The following NRXN1 variants were observed in gnomAD, a reference collection of about 807,000 sequenced individuals.
NRXN1 encodes neurexin 1, also known as neurexin-1.
Under a neutral mutation model 150.9 loss-of-function variants are expected in NRXN1, and 39 were observed. That is an observed-to-expected ratio of 0.26 (90% CI 0.20 to 0.34). The LOEUF is 0.34. Ranked by LOEUF, NRXN1 falls within the 10% of genes least tolerant of loss-of-function variation. The pLI is 1.00. For missense variants in NRXN1, 1,815 were observed against 1,949.9 expected (o/e 0.93, Z 1.30); for synonymous variants, 924 against 757.0 (o/e 1.22, Z -3.62).
chr2:50,660,569 C>T (rs974828923), intron 5 of NRXN1, among the ~76,000 whole-genome samples: 2 of 152,018 alleles, frequency 1.3e-5, no homozygotes, highest in Non-Finnish European at 2.9e-5. Flanking sequence ...AACATCAAAA[C>T]TCATCTAATG....
intron 2 of NRXN1, among the ~76,000 whole-genome samples, chr2:51,027,301 G>C (rs1006562057): frequency 1.3e-5 from 2 of 152,206 alleles, no homozygotes; most frequent in African/African-American, 4.8e-5. Context: ...TGGATATGGG[G>C]GCTGCCAATC....
intron 17 of NRXN1, among the ~76,000 whole-genome samples, chr2:50,447,766 T>C (rs2086582919): frequency 1.1e-5 from 1 of 92,894 alleles, no homozygotes; most frequent in African/African-American, 4.2e-5. Flanking sequence ...TATATATATA[T>C]ATATATATAT....
intron 5 of NRXN1, among the ~76,000 whole-genome samples, chr2:50,629,957 C>T (rs1393377187): frequency 6.6e-6 from 1 of 151,440 alleles, no homozygotes; most frequent in African/African-American, 2.4e-5. Flanking sequence ...GCCTCTATTT[C>T]TAGCCACAGC....
chr2:50,915,127 G>A (rs1685037323), intron 5 of NRXN1, among the ~76,000 whole-genome samples: 1 of 151,542 alleles, frequency 6.6e-6, no homozygotes, highest in South Asian at 2.1e-4. Flanking sequence ...AACATTTTTA[G>A]CAAAATCTTG....
chr2:50,587,180 G>A (rs1313544450), intron 8 of NRXN1, among the ~76,000 whole-genome samples: 3 of 152,308 alleles, frequency 2.0e-5, no homozygotes, highest in African/African-American at 7.2e-5. Context: ...CATTGGTGAA[G>A]CGAGCATAAG....
chr2:50,799,611 TCAGTA>T (rs1341885469), intron 5 of NRXN1, among the ~76,000 whole-genome samples: 1 of 152,208 alleles, frequency 6.6e-6, no homozygotes, highest in Non-Finnish European at 1.5e-5. Flanking sequence ...TTTCTCACTT[TCAGTA>T]CAGTATTCAA....
intron 17 of NRXN1, among the ~76,000 whole-genome samples, chr2:50,401,653 G>C (rs143468247): frequency 8.1e-4 from 123 of 152,186 alleles, no homozygotes; most frequent in African/African-American, 2.8e-3. Context: ...GCAAACAAAA[G>C]GCAAGGCAGA....
intron 21 of NRXN1, among the ~76,000 whole-genome samples, chr2:49,998,427 A>G (rs1683349177): frequency 6.6e-6 from 1 of 152,144 alleles, no homozygotes; most frequent in Non-Finnish European, 1.5e-5. Flanking sequence ...GGAGGATATA[A>G]TTTCCCATAA....
At chr2:50,638,328 G>A (rs1683536605) in intron 5 of NRXN1, among the ~76,000 whole-genome samples, 1 of 152,026 alleles carries the variant, frequency 6.6e-6, no homozygotes, top group African/African-American at 2.4e-5. Flanking sequence ...TCAATGTTTT[G>A]CAGTTTTTGC....
intron 2 of NRXN1, among the ~76,000 whole-genome samples, chr2:51,016,232 G>A (rs1668643459): frequency 6.6e-6 from 1 of 152,002 alleles, no homozygotes; most frequent in Admixed American, 6.6e-5. Context: ...CAAAAGCAAT[G>A]GCAACAAAAG....
At chr2:50,750,010 G>A (rs1162389822) in intron 5 of NRXN1, among the ~76,000 whole-genome samples, 1 of 152,054 alleles carries the variant, frequency 6.6e-6, no homozygotes, top group East Asian at 1.9e-4. Flanking sequence ...TAACATCGCT[G>A]ACAACCACAG....
chr2:50,417,057 A>G (rs2083590970), intron 17 of NRXN1: 1 of 152,180 alleles, frequency 6.6e-6, no homozygotes, highest in Non-Finnish European at 1.5e-5. Flanking sequence ...TAAAAAATGA[A>G]GAAGGGACCC....
chr2:50,199,196 T>A (rs148569956), intron 18 of NRXN1: 2 of 152,292 alleles, frequency 1.3e-5, no homozygotes, highest in East Asian at 3.9e-4. Context: ...AAATTCCTTC[T>A]AGTCAGAAAT....
chr2:50,684,653 C>A (rs1451928015), intron 5 of NRXN1, among the ~76,000 whole-genome samples: 4 of 152,188 alleles, frequency 2.6e-5, no homozygotes, highest in East Asian at 1.9e-4. Context: ...TAAATTGACA[C>A]ATACTGATAA....
At chr2:50,833,183 G>A (rs1671649471) in intron 5 of NRXN1, among the ~76,000 whole-genome samples, 1 of 152,150 alleles carries the variant, frequency 6.6e-6, no homozygotes, top group Non-Finnish European at 1.5e-5. Flanking sequence ...ATAGTACCAA[G>A]TCCCGACAAA....
intron 5 of NRXN1, among the ~76,000 whole-genome samples, chr2:50,879,859 A>G (rs962934420): frequency 6.6e-6 from 1 of 151,988 alleles, no homozygotes; most frequent in South Asian, 2.1e-4. Flanking sequence ...AAGTAGCATT[A>G]AAAGGAGGTG....
At chr2:50,696,701 G>A (rs1398679519) in intron 5 of NRXN1, among the ~76,000 whole-genome samples, 3 of 152,256 alleles carry the variant, frequency 2.0e-5, no homozygotes, top group African/African-American at 4.8e-5. Context: ...TTTCGGGTGA[G>A]GATCAGTGAG....
chr2:50,017,275 A>C (rs1686804910), intron 21 of NRXN1, among the ~76,000 whole-genome samples: 1 of 152,160 alleles, frequency 6.6e-6, no homozygotes, highest in Non-Finnish European at 1.5e-5. Flanking sequence ...CACAACAGAC[A>C]CTTATTTCAA....
At chr2:50,885,788 C>T (rs1175480084) in intron 5 of NRXN1, among the ~76,000 whole-genome samples, 2 of 149,508 alleles carry the variant, frequency 1.3e-5, no homozygotes, top group African/African-American at 2.4e-5. Flanking sequence ...TGTCTTTTTG[C>T]TCAGAATGTC....
Sources: allele counts gnomAD v4.1 joint callset (sites outside exome capture counted in the v4.1 genomes callset), GRCh38; gene constraint gnomAD v4.1.1; transcripts MANE v1.5; gene names NCBI Gene and HGNC (gene_info 2026-07-23, HGNC 2026-07-21).